CSMD3: variants seen among roughly 807,000 people sequenced by gnomAD.
CSMD3 encodes the protein CUB and sushi domain-containing protein 3.
Under a neutral mutation model 435.2 loss-of-function variants are expected in CSMD3, and 177 were observed. That is an observed-to-expected ratio of 0.41 (90% CI 0.36 to 0.46). CSMD3 has a LOEUF of 0.46. Ranked by LOEUF, CSMD3 falls within the 20% of genes least tolerant of loss-of-function variation. The pLI, the probability that CSMD3 is intolerant of heterozygous loss-of-function variation, is 0.34. For missense variants in CSMD3, 4,265 were observed against 4,504.6 expected, an observed-to-expected ratio of 0.95 and a Z score of 1.52; for synonymous variants, 1,656 against 1,520.5, an observed-to-expected ratio of 1.09 and a Z score of -2.07.
intron 3 of CSMD3, among the ~76,000 whole-genome samples, chr8:113,218,506 A>G (rs10096816): frequency 0.37 from 55,368 of 149,468 alleles, 11,190 homozygotes; most frequent in African/African-American, 0.54. Flanking sequence ...GACCAATTGA[A>G]CTTATCCCAG....
intron 9 of CSMD3, among the ~76,000 whole-genome samples, chr8:112,934,310 G>T (rs542626164): frequency 1.4e-4 from 21 of 152,138 alleles, no homozygotes; most frequent in African/African-American, 4.8e-4. Flanking sequence ...GGCATATTTT[G>T]CCCTCTATTC....
intron 45 of CSMD3, among the ~76,000 whole-genome samples, chr8:112,320,469 G>A (rs896202215): frequency 6.6e-6 from 1 of 151,922 alleles, no homozygotes; most frequent in South Asian, 2.1e-4. Context: ...TTTAATTTAT[G>A]TTACTATTTC....
chr8:113,225,064 C>A (rs1348713733), intron 3 of CSMD3, among the ~76,000 whole-genome samples: 1 of 151,346 alleles, frequency 6.6e-6, no homozygotes, highest in Non-Finnish European at 1.5e-5. Flanking sequence ...GAGATTATTT[C>A]AGAGGTCCTG....
At chr8:112,963,163 G>A (rs2084293671) in intron 7 of CSMD3, among the ~76,000 whole-genome samples, 1 of 151,862 alleles carries the variant, frequency 6.6e-6, no homozygotes, top group Admixed American at 6.6e-5. Flanking sequence ...TTAATTAAAG[G>A]GCATTTGTCT....
intron 7 of CSMD3, among the ~76,000 whole-genome samples, chr8:112,973,072 T>C (rs1195798475): frequency 1.3e-5 from 2 of 151,908 alleles, no homozygotes; most frequent in Non-Finnish European, 2.9e-5. Context: ...TTGTGAGAGT[T>C]ACATGCGATG....
intron 5 of CSMD3, among the ~76,000 whole-genome samples, chr8:113,058,478 C>A (rs1405105510): frequency 1.3e-5 from 2 of 151,566 alleles, no homozygotes; most frequent in Admixed American, 6.6e-5. Flanking sequence ...TAGGATAGTA[C>A]AGAAAAATGT....
At chr8:113,102,503 A>T (rs1482504861) in intron 4 of CSMD3, among the ~76,000 whole-genome samples, 1 of 152,132 alleles carries the variant, frequency 6.6e-6, no homozygotes, top group Non-Finnish European at 1.5e-5. Flanking sequence ...AGCAAATGAC[A>T]AAGTGAATAC....
chr8:112,842,748 T>A (rs1306408696), intron 11 of CSMD3, among the ~76,000 whole-genome samples: 1 of 151,820 alleles, frequency 6.6e-6, no homozygotes, highest in Non-Finnish European at 1.5e-5. Flanking sequence ...ATATGAGGAA[T>A]TTTAGCATCA....
chr8:113,183,320 A>T (rs1454140395), intron 3 of CSMD3, among the ~76,000 whole-genome samples: 1 of 152,070 alleles, frequency 6.6e-6, no homozygotes, highest in Non-Finnish European at 1.5e-5. Context: ...CAGATGACTC[A>T]TATAATTTAT....
chr8:112,841,322 C>T (rs1309034353), intron 11 of CSMD3, among the ~76,000 whole-genome samples: 2 of 151,652 alleles, frequency 1.3e-5, no homozygotes, highest in Non-Finnish European at 3.0e-5. Flanking sequence ...ACATCAGGGC[C>T]ATAAAAATCC....
chr8:113,178,912 A>G (rs2131917244), intron 3 of CSMD3, among the ~76,000 whole-genome samples: 1 of 151,932 alleles, frequency 6.6e-6, no homozygotes, highest in Admixed American at 6.6e-5. Flanking sequence ...TATGAAGGAG[A>G]ACTATTTCCT....
chr8:113,062,853 A>G (rs1476352309), intron 5 of CSMD3, among the ~76,000 whole-genome samples: 1 of 151,716 alleles, frequency 6.6e-6, no homozygotes, highest in Non-Finnish European at 1.5e-5. Context: ...TGTTTTGCAA[A>G]GCTATATATA....
At chr8:113,155,265 C>T (rs2091908103) in intron 4 of CSMD3, among the ~76,000 whole-genome samples, 1 of 151,944 alleles carries the variant, frequency 6.6e-6, no homozygotes, top group Non-Finnish European at 1.5e-5. Context: ...ATCCAGGAAC[C>T]ATTCTCCAGT....
intron 41 of CSMD3, among the ~76,000 whole-genome samples, chr8:112,342,349 G>A (rs1825205275): frequency 1.3e-5 from 2 of 151,872 alleles, no homozygotes; most frequent in African/African-American, 2.4e-5. Flanking sequence ...ATGTCTCTGG[G>A]ATAAAAAATG....
intron 10 of CSMD3, among the ~76,000 whole-genome samples, chr8:112,892,111 T>C (rs1239367775): frequency 6.6e-6 from 1 of 151,644 alleles, no homozygotes; most frequent in East Asian, 2.0e-4. Flanking sequence ...TGTTTATATT[T>C]TCCATTAATT....
chr8:112,750,601 G>C (rs1211638963), intron 13 of CSMD3, among the ~76,000 whole-genome samples: 2 of 152,046 alleles, frequency 1.3e-5, no homozygotes, highest in Non-Finnish European at 2.9e-5. Context: ...AGAAGAGAAA[G>C]TATAAACTCT....
At chr8:112,660,287 T>C (rs904758559) in intron 17 of CSMD3, among the ~76,000 whole-genome samples, 1 of 152,172 alleles carries the variant, frequency 6.6e-6, no homozygotes, top group African/African-American at 2.4e-5. Flanking sequence ...ATAAGGCCAC[T>C]GATCAAGGAA....
chr8:112,685,875 G>T (rs769422384), intron 14 of CSMD3, 143 bp from the exon 15 acceptor site: 3 of 647,092 alleles, frequency 4.6e-6, no homozygotes, highest in Non-Finnish European at 7.7e-6. Flanking sequence ...AGAACAAAAC[G>T]GTTACCATTT....
At chr8:112,263,523 A>T in intron 61 of CSMD3, 116 bp downstream of exon 61, 1 of 799,856 alleles carries the variant, frequency 1.3e-6, no homozygotes, top group Non-Finnish European at 2.1e-6. Flanking sequence ...ACATTGGTAA[A>T]TACTGATTTT....
Sources: allele counts gnomAD v4.1 joint callset (sites outside exome capture counted in the v4.1 genomes callset), GRCh38; gene constraint gnomAD v4.1.1; transcripts MANE v1.5; gene names NCBI Gene and HGNC (gene_info 2026-07-23, HGNC 2026-07-21).